RBFOX1: variants seen among roughly 807,000 people sequenced by gnomAD.
RBFOX1 encodes the protein RNA binding fox-1 homolog 1, also known as RNA binding protein fox-1 homolog 1.
RBFOX1 carries 8 observed loss-of-function variants against 57.7 expected under a neutral mutation model. The observed-to-expected ratio is 0.14, with a 90% confidence interval of 0.08 to 0.25. The LOEUF is 0.25. Among genes scored for constraint, RBFOX1 ranks in the 10% least tolerant of loss-of-function variants. RBFOX1 has a pLI of 1.00. For synonymous variants in RBFOX1, 326 were observed against 222.4 expected (o/e 1.47, Z -4.15); for missense variants, 611 against 548.5 (o/e 1.11, Z -1.14).
At chr16:5,503,836 C>G (rs907983076) in intron 2 of RBFOX1, among the ~76,000 whole-genome samples, 6 of 152,238 alleles carry the variant, frequency 3.9e-5, no homozygotes, top group Admixed American at 6.5e-5. Flanking sequence ...AAACTCTCTA[C>G]TCTTAAGCTA....
At chr16:6,522,200 A>G (rs2096514880) in intron 2 of RBFOX1, among the ~76,000 whole-genome samples, 1 of 138,988 alleles carries the variant, frequency 7.2e-6, no homozygotes, top group Non-Finnish European at 1.5e-5. Flanking sequence ...TGTGTGTCTT[A>G]AAAATTAGGA....
intron 13 of RBFOX1, among the ~76,000 whole-genome samples, chr16:7,666,063 A>G (rs9931812): frequency 0.038 from 5,803 of 152,190 alleles, 332 homozygotes; most frequent in African/African-American, 0.13. Context: ...TCAGTGATCA[A>G]TTTTCTTCTT....
chr16:6,914,163 C>T (rs1322180244), intron 3 of RBFOX1, among the ~76,000 whole-genome samples: 1 of 152,184 alleles, frequency 6.6e-6, no homozygotes, highest in African/African-American at 2.4e-5. Flanking sequence ...GAGTGCATTT[C>T]TGATTTCAGA....
intron 1 of RBFOX1, among the ~76,000 whole-genome samples, chr16:6,169,517 C>A (rs551989404): frequency 1.3e-5 from 2 of 152,124 alleles, no homozygotes; most frequent in South Asian, 4.2e-4. Flanking sequence ...TCAGGCAGCC[C>A]CCAGAATCAG....
intron 3 of RBFOX1, among the ~76,000 whole-genome samples, chr16:6,715,219 C>G (rs1203394309): frequency 6.6e-6 from 1 of 151,910 alleles, no homozygotes; most frequent in Non-Finnish European, 1.5e-5. Context: ...GTCACACACA[C>G]AGAACAATGA....
At chr16:5,954,230 T>C (rs2059579211) in intron 4 of RBFOX1, among the ~76,000 whole-genome samples, 1 of 152,288 alleles carries the variant, frequency 6.6e-6, no homozygotes, top group Middle Eastern at 3.4e-3. Context: ...CGTGGTCTCA[T>C]GGATGGAGGG....
intron 1 of RBFOX1, among the ~76,000 whole-genome samples, chr16:6,293,158 C>A (rs1271453634): frequency 2.0e-5 from 3 of 152,028 alleles, no homozygotes; most frequent in Non-Finnish European, 4.4e-5. Flanking sequence ...TTTCATAGTA[C>A]CCTATTAAGT....
At chr16:7,118,057 T>C (rs1455589854) in intron 4 of RBFOX1, among the ~76,000 whole-genome samples, 1 of 152,206 alleles carries the variant, frequency 6.6e-6, no homozygotes, top group East Asian at 1.9e-4. Context: ...GGTGTGTTTT[T>C]TTATACAGTG....
chr16:6,047,618 C>T (rs539196984), intron 1 of RBFOX1, among the ~76,000 whole-genome samples: 1 of 152,242 alleles, frequency 6.6e-6, no homozygotes, highest in South Asian at 2.1e-4. Flanking sequence ...ATGACTTGCT[C>T]ACAGACCAGA....
At chr16:5,639,419 G>C (rs958402236) in intron 3 of RBFOX1, among the ~76,000 whole-genome samples, 1 of 152,142 alleles carries the variant, frequency 6.6e-6, no homozygotes, top group Non-Finnish European at 1.5e-5. Flanking sequence ...TTTCAAAGCT[G>C]GGAGGTTCAA....
At chr16:7,525,765 C>G (rs762969749) in intron 5 of RBFOX1, among the ~76,000 whole-genome samples, 1 of 152,140 alleles carries the variant, frequency 6.6e-6, no homozygotes, top group Non-Finnish European at 1.5e-5. Context: ...CTCTTTTGGT[C>G]GCCATCTTGT....
chr16:7,255,143 C>T (rs4238872), intron 4 of RBFOX1, among the ~76,000 whole-genome samples: 72,497 of 151,904 alleles, frequency 0.48, 18,047 homozygotes, highest in Middle Eastern at 0.6. Context: ...CTTTGCAACA[C>T]TGTTGAAAAA....
chr16:5,754,464 CACAGAG>C (rs1424155281), intron 3 of RBFOX1, among the ~76,000 whole-genome samples: 2 of 149,792 alleles, frequency 1.3e-5, no homozygotes, highest in Non-Finnish European at 3.0e-5. Context: ...AAGAAAAAGA[CACAGAG>C]ACAAAGTATA....
intron 2 of RBFOX1, among the ~76,000 whole-genome samples, chr16:6,628,986 C>G (rs1412039182): frequency 6.6e-6 from 1 of 152,162 alleles, no homozygotes; most frequent in African/African-American, 2.4e-5. Flanking sequence ...GCCGAGATTG[C>G]ACCACTGCAC....
chr16:6,107,119 A>G lies in RBFOX1; in HGVS notation c.-127+87127A>G, dbSNP rs139168817. Reference sequence around the variant, plus strand: ...CTGCTGAGATGAACACAGTCCTTGGAAAGTGGTGGTTGTGCCTTTGCTTTT... The same window carrying G: ...CTGCTGAGATGAACACAGTCCTTGGGAAGTGGTGGTTGTGCCTTTGCTTTT... On this transcript the variant is annotated intron_variant, in intron 1 of 15. Transcript: ENST00000550418. Among the ~76,000 whole-genome samples the G allele has an allele frequency of 8.5e-5, 13 of 152,262 alleles. No individual in the cohort carries two copies. In the East Asian group the frequency reaches 2.3e-3, roughly 27 times the overall value.
At chr16:6,960,955 C>T (rs774645459) in intron 3 of RBFOX1, among the ~76,000 whole-genome samples, 1 of 142,520 alleles carries the variant, frequency 7.0e-6, no homozygotes, top group Non-Finnish European at 1.5e-5. Flanking sequence ...TGATGAAACT[C>T]CATCTCTACT....
At chr16:7,212,535 G>A (rs1277685430) in intron 4 of RBFOX1, among the ~76,000 whole-genome samples, 2 of 152,128 alleles carry the variant, frequency 1.3e-5, no homozygotes, top group Middle Eastern at 3.4e-3. Flanking sequence ...CAGAATAATG[G>A]GATCAGTCCT....
chr16:7,484,168 T>A (rs1161001928), intron 4 of RBFOX1, among the ~76,000 whole-genome samples: 2 of 152,324 alleles, frequency 1.3e-5, no homozygotes, highest in Non-Finnish European at 1.5e-5. Flanking sequence ...ATATTAACAT[T>A]TTGTTCCTTT....
intron 4 of RBFOX1, among the ~76,000 whole-genome samples, chr16:7,459,331 C>G (rs770045607): frequency 6.6e-6 from 1 of 152,314 alleles, no homozygotes; most frequent in East Asian, 1.9e-4. Context: ...TTTTAACTCA[C>G]TTGGCATGGG....
Sources: allele counts gnomAD v4.1 joint callset (sites outside exome capture counted in the v4.1 genomes callset), GRCh38; gene constraint gnomAD v4.1.1; transcripts MANE v1.5; gene names NCBI Gene and HGNC (gene_info 2026-07-23, HGNC 2026-07-21).